TRMT11: variants seen among roughly 807,000 people sequenced by gnomAD.
TRMT11 encodes the protein tRNA methyltransferase 11.
A neutral mutation model predicts 62.8 loss-of-function variants in TRMT11; 53 were observed. That is an observed-to-expected ratio of 0.84 (90% CI 0.68 to 1.06). The LOEUF (loss-of-function observed/expected upper bound fraction) is 1.06, where lower values mean the gene tolerates loss of function less well. Among genes scored for constraint, TRMT11 ranks in the 50% least tolerant of loss-of-function variants. TRMT11 has a pLI of 0.00. For synonymous variants in TRMT11, 188 were observed against 190.3 expected, an observed-to-expected ratio of 0.99 and a Z score of 0.10; for missense variants, 556 against 553.4, an observed-to-expected ratio of 1.00 and a Z score of -0.05.
chr6:126,113,873 A>G (rs528192728), intron 18 of TRMT11, among the ~76,000 whole-genome samples: 1 of 152,208 alleles, frequency 6.6e-6, no homozygotes, highest in South Asian at 2.1e-4. Flanking sequence ...TAATCTGAGC[A>G]GATTCTGATT....
In TRMT11 at chr6:126,010,024, T is replaced by G. The variant is rs560209709; in HGVS notation, c.761-1229T>G. Among the ~76,000 whole-genome samples the G allele has an allele frequency of 2.0e-5, 3 of 152,022 alleles. No individual in the cohort carries two copies. In the South Asian group the frequency reaches 6.2e-4, roughly 32 times the overall value. Reference sequence around the variant, plus strand: ...TCTCAAGTTTCTCCTGTTTTAAAAGTACAAAACTTTTTTTTTTGGCAAATC... The same window carrying G: ...TCTCAAGTTTCTCCTGTTTTAAAAGGACAAAACTTTTTTTTTTGGCAAATC... On this transcript the variant is annotated intron_variant, in intron 8 of 12. Coordinates refer to ENST00000334379, the MANE Select transcript of TRMT11 (RefSeq NM_001031712.3).
chr6:126,079,366 A>C (rs890250068), intron 17 of TRMT11, among the ~76,000 whole-genome samples: 6 of 152,110 alleles, frequency 3.9e-5, no homozygotes, highest in Non-Finnish European at 8.8e-5. Flanking sequence ...GTATTTAATG[A>C]GGTTGAGATG....
At chr6:126,255,813 G>A in the TRMT11 span, among the ~76,000 whole-genome samples, 2,246 of 152,154 alleles carry the variant, frequency 0.015, 49 homozygotes, top group African/African-American at 0.051. Flanking sequence ...TATAATGTTG[G>A]GATAGAAAGT....
intron 9 of TRMT11, 58 bp from the exon 10 acceptor site, chr6:126,012,713 C>T (rs1174150818): frequency 2.2e-6 from 3 of 1,355,212 alleles, no homozygotes; most frequent in East Asian, 4.6e-5. Context: ...GGCTGTTTGC[C>T]CTTGATCCAT....
intron 12 of TRMT11, among the ~76,000 whole-genome samples, chr6:126,026,781 T>C (rs1170391654): frequency 6.6e-6 from 1 of 151,002 alleles, no homozygotes; most frequent in Non-Finnish European, 1.5e-5. Context: ...TTTGGGGCCA[T>C]GGTAGAATGT....
At chr6:126,112,918 T>A (rs1244273185) in exon 18 of TRMT11, among the ~76,000 whole-genome samples, 5 of 152,092 alleles carry the variant, frequency 3.3e-5, no homozygotes, top group Admixed American at 2.0e-4. Flanking sequence ...CTTCTGGTTT[T>A]CTATGTTGGC....
chr6:126,074,944 T>G (rs1280338856), intron 17 of TRMT11, among the ~76,000 whole-genome samples: 1 of 152,198 alleles, frequency 6.6e-6, no homozygotes, highest in African/African-American at 2.4e-5. Flanking sequence ...TTTTCATGAT[T>G]GTCTTCCGTC....
At chr6:126,003,180 C>T (rs925617765) in intron 7 of TRMT11, among the ~76,000 whole-genome samples, 6 of 152,068 alleles carry the variant, frequency 3.9e-5, no homozygotes, top group Non-Finnish European at 7.4e-5. Flanking sequence ...GCTTATCCAA[C>T]CCGCAGCCCA....
the TRMT11 span, among the ~76,000 whole-genome samples, chr6:126,246,559 T>C: frequency 6.6e-6 from 1 of 151,800 alleles, no homozygotes; most frequent in African/African-American, 2.4e-5. Flanking sequence ...TCCACGGAAG[T>C]GACTGAAAAC....
At chr6:126,111,725 G>A (rs10457474) in intron 17 of TRMT11, among the ~76,000 whole-genome samples, 34,011 of 152,056 alleles carry the variant, frequency 0.22, 8,053 homozygotes, top group African/African-American at 0.6. Flanking sequence ...GGCTTTCCCA[G>A]TAGAGCCACT....
the TRMT11 span, among the ~76,000 whole-genome samples, chr6:126,224,935 T>C: frequency 6.6e-6 from 1 of 152,088 alleles, no homozygotes; most frequent in East Asian, 1.9e-4. Flanking sequence ...AAAGGATCTA[T>C]GGAGGTAGCT....
At chr6:126,231,235 C>T in the TRMT11 span, among the ~76,000 whole-genome samples, 2 of 152,018 alleles carry the variant, frequency 1.3e-5, no homozygotes, top group East Asian at 1.9e-4. Context: ...TTTAATAGGA[C>T]CCCCCAAAAC....
chr6:126,266,753 C>A, the TRMT11 span, among the ~76,000 whole-genome samples: 1 of 152,126 alleles, frequency 6.6e-6, no homozygotes, highest in South Asian at 2.1e-4. Context: ...TCAACTGTTT[C>A]CAGGGATTTC....
chr6:126,069,669 G>C (rs1475941862), intron 17 of TRMT11, among the ~76,000 whole-genome samples: 1 of 152,156 alleles, frequency 6.6e-6, no homozygotes, highest in Non-Finnish European at 1.5e-5. Context: ...TCCAGTTGCT[G>C]CCGCCAGCAG....
intron 20 of TRMT11, among the ~76,000 whole-genome samples, chr6:126,115,612 GT>G (rs1335839814): frequency 3.3e-5 from 5 of 152,084 alleles, no homozygotes. Context: ...AAATGTACAT[GT>G]TACTCAAGAA....
chr6:125,991,838 T>G (rs1325790409), intron 1 of TRMT11, among the ~76,000 whole-genome samples: 3 of 152,222 alleles, frequency 2.0e-5, no homozygotes, highest in African/African-American at 7.2e-5. Flanking sequence ...AATGTAGTAC[T>G]TATTGTACTA....
At chr6:126,018,180 G>A (rs1462892695) in intron 11 of TRMT11, among the ~76,000 whole-genome samples, 1 of 152,142 alleles carries the variant, frequency 6.6e-6, no homozygotes, top group Non-Finnish European at 1.5e-5. Flanking sequence ...AGCTAATAAT[G>A]TGCCCCAAAG....
At chr6:126,194,498 C>T (rs1002994241) in intron 1 of TRMT11, among the ~76,000 whole-genome samples, 2 of 152,188 alleles carry the variant, frequency 1.3e-5, no homozygotes, top group African/African-American at 4.8e-5. Flanking sequence ...CACTGATTCA[C>T]AGATACATTA....
intron 6 of TRMT11, 64 bp from the exon 7 acceptor site, chr6:125,999,393 G>A (rs1792110384): frequency 7.6e-7 from 1 of 1,312,252 alleles, no homozygotes; most frequent in Non-Finnish European, 1.0e-6. Flanking sequence ...TGGTCTTATT[G>A]TGAGTGATTA....
Sources: allele counts gnomAD v4.1 joint callset (sites outside exome capture counted in the v4.1 genomes callset), GRCh38; gene constraint gnomAD v4.1.1; transcripts MANE v1.5; gene names NCBI Gene and HGNC (gene_info 2026-07-23, HGNC 2026-07-21).